Variants in IGF2BP3 observed in about 807,000 individuals in gnomAD.
The protein encoded by IGF2BP3 is insulin like growth factor 2 mRNA binding protein 3.
Under a neutral mutation model 73.8 loss-of-function variants are expected in IGF2BP3, and 9 were observed. The ratio of observed to expected loss-of-function variants is 0.12; its 90% CI spans 0.07 to 0.21. IGF2BP3 has a LOEUF of 0.21. Ranked by LOEUF, IGF2BP3 falls within the 10% of genes least tolerant of loss-of-function variation. The pLI, the probability that IGF2BP3 is intolerant of heterozygous loss-of-function variation, is 1.00. For synonymous variants in IGF2BP3, 258 were observed against 256.7 expected, an observed-to-expected ratio of 1.01 and a Z score of -0.05; for missense variants, 542 against 714.0, an observed-to-expected ratio of 0.76 and a Z score of 2.75.
At chr7:23,365,907 T>A (rs1418742653) in intron 3 of IGF2BP3, 2 of 152,348 alleles carry the variant, frequency 1.3e-5, no homozygotes, top group African/African-American at 4.8e-5. Context: ...ACGAGCTCCA[T>A]ATTTTGATTA....
chr7:23,462,517 A>G (rs1224487287), intron 2 of IGF2BP3, among the ~76,000 whole-genome samples: 1 of 151,990 alleles, frequency 6.6e-6, no homozygotes, highest in Non-Finnish European at 1.5e-5. Context: ...GACCGCCACC[A>G]CGCCCGGTTA....
intron 5 of IGF2BP3, among the ~76,000 whole-genome samples, chr7:23,352,781 C>T (rs528541600): frequency 6.6e-6 from 1 of 152,192 alleles, no homozygotes; most frequent in South Asian, 2.1e-4. Context: ...ACTTCTAATA[C>T]CATAGATTAA....
At chr7:23,364,717 A>C (rs1785325303) in intron 3 of IGF2BP3, among the ~76,000 whole-genome samples, 1 of 152,118 alleles carries the variant, frequency 6.6e-6, no homozygotes, top group Non-Finnish European at 1.5e-5. Flanking sequence ...TCAGTAATGA[A>C]GTCAGGAGGA....
intron 3 of IGF2BP3, among the ~76,000 whole-genome samples, chr7:23,364,941 G>A (rs542250577): frequency 5.8e-4 from 89 of 152,246 alleles, no homozygotes; most frequent in Non-Finnish European, 1.1e-3. Flanking sequence ...CGAGGCAGGT[G>A]GATCACTAGA....
chr7:23,382,736 C>A (rs1320599593), intron 3 of IGF2BP3, among the ~76,000 whole-genome samples: 1 of 151,800 alleles, frequency 6.6e-6, no homozygotes, highest in Non-Finnish European at 1.5e-5. Context: ...CCATAACAAA[C>A]TCAATACTTA....
chr7:23,446,835 A>G (rs957284487), intron 2 of IGF2BP3, among the ~76,000 whole-genome samples: 2 of 152,146 alleles, frequency 1.3e-5, no homozygotes, highest in Non-Finnish European at 1.5e-5. Context: ...CTGAAACAAA[A>G]ATCAACAAAC....
chr7:23,358,123 A>G (rs746653254), intron 5 of IGF2BP3, among the ~76,000 whole-genome samples: 1 of 152,224 alleles, frequency 6.6e-6, no homozygotes, highest in Non-Finnish European at 1.5e-5. Context: ...CTCATTAGCT[A>G]AAGACTACAG....
At chr7:23,389,059 T>A (rs1189028345) in intron 3 of IGF2BP3, among the ~76,000 whole-genome samples, 1 of 152,166 alleles carries the variant, frequency 6.6e-6, no homozygotes, top group Non-Finnish European at 1.5e-5. Flanking sequence ...TAAAGATGTG[T>A]TTATGTCCAT....
At chr7:23,439,699 G>C (rs1787887475) in intron 2 of IGF2BP3, among the ~76,000 whole-genome samples, 1 of 152,010 alleles carries the variant, frequency 6.6e-6, no homozygotes, top group Non-Finnish European at 1.5e-5. Flanking sequence ...ATCTCACAGA[G>C]GATACAAGTC....
intron 2 of IGF2BP3, among the ~76,000 whole-genome samples, chr7:23,422,018 G>T (rs563926668): frequency 6.6e-6 from 1 of 152,140 alleles, no homozygotes; most frequent in East Asian, 1.9e-4. Flanking sequence ...GGCTCAAGCA[G>T]TCCTTCTATC....
At chr7:23,429,982 T>C (rs1275067746) in intron 2 of IGF2BP3, among the ~76,000 whole-genome samples, 2 of 152,226 alleles carry the variant, frequency 1.3e-5, no homozygotes, top group Non-Finnish European at 2.9e-5. Context: ...TGGGAATCAC[T>C]GCTTCCCTGC....
At chr7:23,394,061 G>T (rs1463681431) in intron 3 of IGF2BP3, among the ~76,000 whole-genome samples, 2 of 151,090 alleles carry the variant, frequency 1.3e-5, no homozygotes, top group Non-Finnish European at 1.5e-5. Flanking sequence ...TATAGGGGTT[G>T]TGTGATTAAA....
At chr7:23,400,993 G>A (rs776162928) in intron 3 of IGF2BP3, among the ~76,000 whole-genome samples, 1 of 152,064 alleles carries the variant, frequency 6.6e-6, no homozygotes, top group African/African-American at 2.4e-5. Flanking sequence ...AGAGACGGGG[G>A]TTTCACCATG....
chr7:23,379,173 G>T (rs1223387043), intron 3 of IGF2BP3, among the ~76,000 whole-genome samples: 1 of 152,158 alleles, frequency 6.6e-6, no homozygotes, highest in Non-Finnish European at 1.5e-5. Flanking sequence ...AAATGTCTTT[G>T]AAATTTTTTC....
At chr7:23,424,140 ACACAGTTTAAGGGTTCCC>A (rs1280663274) in intron 2 of IGF2BP3, among the ~76,000 whole-genome samples, 2 of 151,806 alleles carry the variant, frequency 1.3e-5, no homozygotes, top group Non-Finnish European at 2.9e-5. Context: ...TTTTTTTTCA[ACACAGTTTAAGGGTTCCC>A]CACCAGAGGG....
intron 3 of IGF2BP3, among the ~76,000 whole-genome samples, chr7:23,365,407 A>G (rs1301711420): frequency 1.3e-5 from 2 of 152,226 alleles, no homozygotes; most frequent in Non-Finnish European, 2.9e-5. Flanking sequence ...TAGAGATAAC[A>G]CTACAAAAGT....
At chr7:23,436,474 C>G (rs1329929191) in intron 2 of IGF2BP3, among the ~76,000 whole-genome samples, 1 of 152,174 alleles carries the variant, frequency 6.6e-6, no homozygotes, top group Non-Finnish European at 1.5e-5. Flanking sequence ...ATTATCTCCT[C>G]TGTGGTACTT....
chr7:23,333,246 T>C (rs1257872827), intron 10 of IGF2BP3, among the ~76,000 whole-genome samples: 1 of 152,256 alleles, frequency 6.6e-6, no homozygotes, highest in Non-Finnish European at 1.5e-5. Flanking sequence ...GTTAGTTGCA[T>C]GATTTCCCAT....
chr7:23,432,787 T>C (rs989132527), intron 2 of IGF2BP3, among the ~76,000 whole-genome samples: 2 of 152,176 alleles, frequency 1.3e-5, no homozygotes, highest in Admixed American at 6.5e-5. Flanking sequence ...ACTACAGGCA[T>C]GCGCTACCGC....
Sources: gnomAD v4.1 joint callset for allele counts (sites outside exome capture counted in the v4.1 genomes callset) on GRCh38, gnomAD v4.1.1 for gene constraint, MANE v1.5 for transcripts, NCBI Gene and HGNC (gene_info 2026-07-23, HGNC 2026-07-21) for gene names.